The following NEB variants were observed in gnomAD, a reference collection of about 807,000 sequenced individuals.
NEB encodes nebulin, also known as nemaline myopathy type 2.
In NEB, 512 loss-of-function variants were observed where a neutral mutation model predicts 952.2. The ratio of observed to expected loss-of-function variants is 0.54; its 90% CI spans 0.50 to 0.58. The LOEUF (loss-of-function observed/expected upper bound fraction) is 0.58. Among genes scored for constraint, NEB ranks in the 20% least tolerant of loss-of-function variants. The probability of loss-of-function intolerance (pLI) is 0.00; values close to 1 mark genes in which losing one functional copy is unlikely to be tolerated. For missense variants in NEB, 8,428 were observed against 9,231.1 expected (o/e 0.91, Z 3.56); for synonymous variants, 2,900 against 3,149.8 (o/e 0.92, Z 2.66).
At chr2:151,684,426 T>C (rs1200785662) in intron 28 of NEB, among the ~76,000 whole-genome samples, 2 of 152,200 alleles carry the variant, frequency 1.3e-5, no homozygotes, top group Non-Finnish European at 2.9e-5. Context: ...ATAGCGATGA[T>C]AAATACTGAA....
intron 36 of NEB, among the ~76,000 whole-genome samples, chr2:151,673,835 G>T (rs1225248120): frequency 6.8e-6 from 1 of 147,812 alleles, no homozygotes; most frequent in African/African-American, 2.5e-5. Flanking sequence ...CCGGGTTCAC[G>T]CCATTCTCGG....
At position 151,633,961 on chromosome 2, in the gene NEB, T is replaced by C; in HGVS notation, c.9107A>G (p.Lys3036Arg). ...TTGCTTGCAGTAACCATCTTTATAT[T>C]TGTACTAAAATGAAAATGCACAAAT... ...KASRDIISDY[K>R]YKDGYCKQLG... is the part of the protein sequence containing the mutation. The change falls in exon 65 of 182, where the codon AAA (lysine) becomes AGA (arginine). Residue 3036 changes from lysine (K) to arginine (R), a missense_variant. Lys to Arg is a conservative substitution (Grantham distance 26). This residue lies in a region of NEB where 1,772 missense variants were observed against 1,960.3 expected (regional missense o/e 0.90). Transcript: ENST00000397345. 6 of 1,611,156 alleles carry C rather than the reference T, an allele frequency of 3.7e-6. No individual in the cohort carries two copies. Among genetic ancestry groups the C allele is most frequent in the Non-Finnish European group, 5.1e-6 (6 of 1,177,842 alleles).
Position 151,677,890 on chromosome 2 carries a change from G to A in NEB, c.3553C>T (p.Gln1185Ter), listed in dbSNP as rs2099384937. 3 of 1,610,836 alleles carry A rather than the reference G, an allele frequency of 1.9e-6. No homozygotes were observed. Among genetic ancestry groups the A allele is most frequent in the Admixed American group, 1.7e-5 (1 of 59,862 alleles). Residue 1185 changes from glutamine to a stop codon, truncating the protein, a stop_gained, in exon 33 of 182, where the codon CAG (glutamine) becomes TAG (stop). Coordinates refer to ENST00000397345, the MANE Select transcript of NEB (RefSeq NM_001164508.2). LOFTEE classifies it high-confidence loss of function. ...ATGACACTTACATCACTCTGTATCTGCATCATGTTCTTAGACAGCTCCAGG... is the reference window on the plus strand; with the variant it reads ...ATGACACTTACATCACTCTGTATCTACATCATGTTCTTAGACAGCTCCAGG... ...MDLELSKNMM[Q>*]IQSDNVYKED...
At chr2:151,681,871 C>T (rs73967584) in intron 29 of NEB, among the ~76,000 whole-genome samples, 2,856 of 152,180 alleles carry the variant, frequency 0.019, 94 homozygotes, top group African/African-American at 0.064. Flanking sequence ...TCTTCAAAGA[C>T]GATTTCTATA....
Position 151,490,534 on chromosome 2 carries a change from T to G in NEB, c.25151-16A>C, listed in dbSNP as rs199665245. 1 of 1,605,824 alleles carries G rather than the reference T, an allele frequency of 6.2e-7. No homozygotes were observed. ...TGAGCTTGGACTGGGAGAGATGCAG[T>G]TGGGGGAGATGTAGCAAACATGAAA... On this transcript the variant is annotated splice_polypyrimidine_tract_variant and intron_variant, in intron 179 of 181. Coordinates refer to ENST00000397345, the MANE Select transcript of NEB (RefSeq NM_001164508.2).
chr2:151,688,464 A>G, intron 24 of NEB, 68 bp from the exon 25 acceptor site: 1 of 1,211,470 alleles, frequency 8.3e-7, no homozygotes, highest in Non-Finnish European at 1.2e-6. Context: ...CAGCATATAT[A>G]GCTAAGGCAT....
chr2:151,565,077 G>A lies in NEB; in HGVS notation c.18438C>T (p.Ser6146=). The part of the protein sequence containing the change: ...YTFSPDTPHI[S]HSKDMGKLYS... ...AGAGTTTTCCCATGTCTTTGGAGTG[G>A]GAGATATGTGGTGTATCTGGTGAAA... Residue 6146 remains serine (S), a synonymous_variant, in exon 117 of 182, where the codon TCC becomes TCT. Transcript: ENST00000397345. 1 of 1,595,094 alleles carries A rather than the reference G, an allele frequency of 6.3e-7. No homozygotes were observed.
rs762692792 is a variant in NEB at position 151,627,065 on chromosome 2, A to C, written c.10284T>G (p.Phe3428Leu). ...IYRQPPDKLKFTSVTDSLEQV... is the reference protein window; with the variant it reads ...IYRQPPDKLKLTSVTDSLEQV... ...GCTCTAGAGAGTCAGTCACACTGGT[A>C]AATTTCAGCTTGTCCGGAGGCTGGC... The change falls in exon 70 of 182, where the codon TTT (phenylalanine) becomes TTG (leucine). Residue 3428 changes from phenylalanine (F) to leucine (L), a missense_variant. By Grantham distance (22) the Phe-to-Leu change is conservative (BLOSUM62 0). Coordinates refer to ENST00000397345, the MANE Select transcript of NEB (RefSeq NM_001164508.2). 1 of 1,613,964 alleles carries C rather than the reference A, an allele frequency of 6.2e-7. No individual in the cohort carries two copies.
chr2:151,514,500 TAAA>T lies in NEB; in HGVS notation c.23017-75_23017-73del, dbSNP rs2076523081. On this transcript the variant is annotated intron_variant, in intron 158 of 181. Transcript: ENST00000397345. ...TGATTCTCTCAGGCAAAGAAGAAAA[TAAA>T]AAACAATTCCAATTTTTAAAGGGTT... 5 of 1,213,542 alleles carry T rather than the reference TAAA, an allele frequency of 4.1e-6. No individual in the cohort carries two copies. The East Asian group carries it at 1.2e-4, about 28-fold the overall frequency. 75.2% of individuals were successfully genotyped at this position (1,213,542 alleles called of 1,614,324 possible).
intron 181 of NEB, among the ~76,000 whole-genome samples, chr2:151,489,604 C>A (rs6718653): frequency 0.38 from 58,052 of 151,860 alleles, 11,189 homozygotes; most frequent in Non-Finnish European, 0.42. Flanking sequence ...ACTATGTTGC[C>A]TAGGCTGGTC....
At chr2:151,716,425 C>A (rs190983049) in intron 10 of NEB, among the ~76,000 whole-genome samples, 1 of 152,304 alleles carries the variant, frequency 6.6e-6, no homozygotes, top group East Asian at 1.9e-4. Flanking sequence ...GTGTGAGCCA[C>A]CGCGCCTGGC....
Position 151,541,531 on chromosome 2 carries a change from G to C in NEB, c.20598C>G (p.Gly6866=), listed in dbSNP as rs16830192. Residue 6866 remains glycine, a synonymous_variant, in exon 136 of 182, where the codon GGC becomes GGG. Transcript: ENST00000397345. Reference sequence around the variant, plus strand: ...AAGTAAAGATTGACTTCTGCTTCTTGCCTGCAGCTCTGTAGACCAGCTAGA... The same window carrying C: ...AAGTAAAGATTGACTTCTGCTTCTTCCCTGCAGCTCTGTAGACCAGCTAGA... ...HLSELVYRAA[G]KKQKSIFTSV... 26,217 of 1,613,128 alleles carry C rather than the reference G, an allele frequency of 0.016. 1,327 individuals are homozygous for C. The highest frequency in any genetic ancestry group is 0.14 in the East Asian group (6,192 of 44,826).
chr2:151,497,802 A>G (rs532276976), intron 170 of NEB, 84 bp from the exon 171 acceptor site: 163 of 1,539,002 alleles, frequency 1.1e-4, no homozygotes, highest in Non-Finnish European at 1.4e-4. Flanking sequence ...GAAAAAACAC[A>G]GTCATCCAAG....
At chr2:151,609,470 G>T (rs1360742707) in intron 81 of NEB, among the ~76,000 whole-genome samples, 1 of 152,100 alleles carries the variant, frequency 6.6e-6, no homozygotes, top group Non-Finnish European at 1.5e-5. Context: ...AAATTTTATA[G>T]TTGAAAATTT....
At chr2:151,697,755 C>T (rs887491093) in intron 13 of NEB, 107 bp from the exon 14 acceptor site, 2 of 761,554 alleles carry the variant, frequency 2.6e-6, no homozygotes, top group Non-Finnish European at 4.1e-6. Flanking sequence ...AAGATATCGC[C>T]TGTCAACTGT....
At chr2:151,524,491 G>C in intron 152 of NEB, 24 bp downstream of exon 152, 1 of 1,613,278 alleles carries the variant, frequency 6.2e-7, no homozygotes, top group Non-Finnish European at 8.5e-7. Flanking sequence ...TTGGGGACTG[G>C]GGACATTTTC....
intron 95 of NEB, among the ~76,000 whole-genome samples, chr2:151,591,815 T>C (rs1375859249): frequency 2.6e-5 from 4 of 152,296 alleles, no homozygotes; most frequent in Admixed American, 6.5e-5. Flanking sequence ...TTATGTTGTG[T>C]TTTTGGAGAA....
At chr2:151,546,548 G>C in intron 133 of NEB, 105 bp from the exon 134 acceptor site, 1 of 550,436 alleles carries the variant, frequency 1.8e-6, no homozygotes, top group Non-Finnish European at 3.0e-6. Context: ...TTTCATTTTG[G>C]TTCATCTACT....
Position 151,516,478 on chromosome 2 carries a change from G to A in NEB, c.22886C>T (p.Ser7629Phe). ...ETPTYITAKE[S>F]QQMQSGKEYR... ...ACTTACCCCACTCTGCATCTGCTGA[G>A]ACTCTTTGGCAGTGATGTACGTTGG... is the stretch of plus-strand genomic sequence containing the variant. Residue 7629 changes from serine to phenylalanine, a missense_variant, in exon 157 of 182, where the codon TCT becomes TTT. Around this residue, in one of 11 missense-constraint regions of NEB, gnomAD observed 3,374 missense variants for 3,651.5 expected, o/e 0.92. Transcript: ENST00000397345. 6.2e-7 allele frequency: 1 copy of A among 1,612,222 alleles called. No homozygotes were observed. The highest frequency in any genetic ancestry group is 2.2e-5 in the East Asian group (1 of 44,878).
Sources: gnomAD v4.1 joint callset for allele counts (sites outside exome capture counted in the v4.1 genomes callset) on GRCh38, gnomAD v4.1.1 for gene constraint, gnomAD v4.1.1 regional missense constraint, MANE v1.5 for transcripts, NCBI Gene and HGNC (gene_info 2026-07-23, HGNC 2026-07-21) for gene names.